Variants in TRIM27 observed in about 807,000 individuals in gnomAD.
The protein encoded by TRIM27 is zinc finger protein RFP.
In TRIM27, 12 loss-of-function variants were observed where a neutral mutation model predicts 57.6. The observed-to-expected ratio is 0.21, with a 90% CI of 0.13 to 0.34. TRIM27 has a LOEUF of 0.34. Ranked by LOEUF, TRIM27 falls within the 10% of genes least tolerant of loss-of-function variation. The pLI is 1.00. For missense variants in TRIM27, 403 were observed against 656.8 expected, an observed-to-expected ratio of 0.61 and a Z score of 4.22; for synonymous variants, 266 against 259.0, an observed-to-expected ratio of 1.03 and a Z score of -0.26.
rs1772509148 is a variant in TRIM27, at chr6:28,903,120, G to A, written c.*950C>T. ...TCTGCCCCAGCCTTCTGACTTCAGAGTGTCTCATGATCCAATGGCCATGGG... is the reference window on the plus strand; with the variant it reads ...TCTGCCCCAGCCTTCTGACTTCAGAATGTCTCATGATCCAATGGCCATGGG... On this transcript the variant is annotated 3_prime_UTR_variant, in exon 8 of 8. Coordinates refer to ENST00000377199, the MANE Select transcript of TRIM27 (RefSeq NM_006510.5). 1 of 231,608 alleles carries A rather than the reference G, an allele frequency of 4.3e-6. No homozygotes were observed. The highest frequency in any genetic ancestry group is 8.5e-6 in the Non-Finnish European group (1 of 117,060). The allele number at this position is 231,608 out of a possible 1,614,324, so 14.3% of individuals were successfully genotyped here.
At chr6:28,913,350 G>A (rs1490251677) in intron 3 of TRIM27, among the ~76,000 whole-genome samples, 1 of 150,262 alleles carries the variant, frequency 6.7e-6, no homozygotes, top group East Asian at 1.9e-4. Context: ...GTAAACTACA[G>A]TCACCCTACT....
Position 28,904,466 on chromosome 6 carries a change from C to G in TRIM27, c.1146G>C (p.Lys382Asn), listed in dbSNP as rs751535080. The change falls in exon 8 of 8, where the codon AAG becomes AAC. Residue 382 changes from lysine (K) to asparagine (N), a missense_variant. Transcript: ENST00000377199. This position sits in a 1 kb window ranked among gnomAD's most constrained non-coding sequence, Gnocchi z 6.1. ...YWEVEVGDKA[K>N]WTIGVCEDSV... ...AGTCTTCACAGACACCTATGGTCCA[C>G]TTGGCTTTATCTCCCACCTCTACCT... 6.2e-7 allele frequency: 1 copy of G among 1,612,960 alleles called. No homozygotes were observed. Among genetic ancestry groups the G allele is most frequent in the Non-Finnish European group, 8.5e-7 (1 of 1,180,052 alleles).
intron 7 of TRIM27, chr6:28,907,009 T>G: frequency 3.6e-5 from 19 of 529,180 alleles, no homozygotes; most frequent in East Asian, 1.6e-4. Context: ...CTTTAACACC[T>G]GAGATTGATT....
At position 28,904,107 on chromosome 6, in the gene TRIM27, A is replaced by T. The variant is rs1406206421; in HGVS notation, c.1505T>A (p.Val502Asp). 6.2e-7 allele frequency: 1 copy of T among 1,612,922 alleles called. No individual in the cohort carries two copies. The highest frequency in any genetic ancestry group is 1.3e-5 in the African/African-American group (1 of 74,924). The change falls in exon 8 of 8, where the codon GTT (valine) becomes GAT (aspartate). Residue 502 changes from valine (V) to aspartate (D), a missense_variant. Coordinates refer to ENST00000377199, the MANE Select transcript of TRIM27 (RefSeq NM_006510.5). The surrounding 1 kb of genome is among the most constrained non-coding windows in gnomAD (Gnocchi z 6.1). ...MSGIDGFSGH[V>D]GNHGHSMETS... ...CTCCATGGAATGACCATGATTCCCA[A>T]CATGGCCAGAAAACCCATCTATCCC...
Position 28,923,742 on chromosome 6 carries a change from G to C in TRIM27, c.-110C>G. 4 of 1,264,846 alleles carry C rather than the reference G, an allele frequency of 3.2e-6. No individual in the cohort carries two copies. The highest frequency in any genetic ancestry group is 4.2e-6 in the Non-Finnish European group (4 of 946,246). 78.4% of individuals were successfully genotyped at this position (1,264,846 alleles called of 1,614,324 possible). ...CGCTGTTCCTGAGAGGCACCGGGCG[G>C]ACGGAGGGCGGCGCCTCCCGGGCCC... is the stretch of plus-strand genomic sequence containing the variant. On this transcript the variant is annotated 5_prime_UTR_variant, in exon 1 of 8. Coordinates refer to ENST00000377199, the MANE Select transcript of TRIM27 (RefSeq NM_006510.5).
chr6:28,911,084 G>A (rs1773169928), intron 4 of TRIM27, among the ~76,000 whole-genome samples: 2 of 152,130 alleles, frequency 1.3e-5, no homozygotes, highest in Admixed American at 1.3e-4. Context: ...CCAAACATGA[G>A]CTTCCCAAGG....
chr6:28,918,744 T>C (rs1263758648), intron 3 of TRIM27, among the ~76,000 whole-genome samples: 8 of 151,792 alleles, frequency 5.3e-5, no homozygotes, highest in Non-Finnish European at 1.0e-4. Context: ...GCCATGGTGG[T>C]GTGCGCCTGT....
chr6:28,907,514 TA>T, intron 6 of TRIM27: 1 of 686,840 alleles, frequency 1.5e-6, no homozygotes, highest in Non-Finnish European at 2.7e-6. Flanking sequence ...GAATATGGGA[TA>T]AAACTGAGCC....
rs1468909102 is a variant in TRIM27 at position 28,923,285 on chromosome 6, C to G, written c.348G>C (p.Val116=). ...YCEEDQMPIC[V]VCDRSREHRG... is the part of the protein sequence containing the mutation. ...GGTGCTCGCGGGAGCGGTCGCACACCACGCAGATGGGCATCTGGTCCTCCT... is the reference window on the plus strand; with the variant it reads ...GGTGCTCGCGGGAGCGGTCGCACACGACGCAGATGGGCATCTGGTCCTCCT... Residue 116 remains valine (V), a synonymous_variant, in exon 1 of 8, where the codon GTG becomes GTC. Transcript: ENST00000377199. 2.5e-6 allele frequency: 4 copies of G among 1,611,576 alleles called. No homozygotes were observed. In the African/African-American group the frequency reaches 4.0e-5, roughly 16 times the overall value.
intron 3 of TRIM27, among the ~76,000 whole-genome samples, chr6:28,919,036 CAG>C (rs1395905274): frequency 2.0e-5 from 3 of 151,432 alleles, no homozygotes; most frequent in Admixed American, 6.6e-5. Flanking sequence ...TTTTTTGAGA[CAG>C]AGTCTCGCTC....
intron 1 of TRIM27, 87 bp from the exon 2 acceptor site, chr6:28,922,074 C>G (rs981412487): frequency 1.0e-6 from 1 of 980,418 alleles, no homozygotes. Flanking sequence ...GGAGTCCACA[C>G]ACCTGATGCC....
At chr6:28,916,571 G>C (rs1439517068) in intron 3 of TRIM27, among the ~76,000 whole-genome samples, 1 of 151,532 alleles carries the variant, frequency 6.6e-6, no homozygotes, top group African/African-American at 2.4e-5. Context: ...AAAAAAGTAT[G>C]CTAAGTGAAG....
chr6:28,917,920 T>C (rs1773735675), intron 3 of TRIM27, among the ~76,000 whole-genome samples: 1 of 151,604 alleles, frequency 6.6e-6, no homozygotes, highest in African/African-American at 2.4e-5. Flanking sequence ...ATCGTCTCAC[T>C]GGTTCAAGCG....
chr6:28,918,546 G>A (rs1562174627), intron 3 of TRIM27, among the ~76,000 whole-genome samples: 4 of 152,222 alleles, frequency 2.6e-5, no homozygotes, highest in African/African-American at 9.6e-5. Context: ...AAGAAAAAAA[G>A]AAAGAAAGAA....
chr6:28,915,327 G>C (rs933646482), intron 3 of TRIM27: 3 of 138,080 alleles, frequency 2.2e-5, no homozygotes, highest in African/African-American at 5.4e-5. Flanking sequence ...AGAAGCTTTA[G>C]ACCAGGCGCA....
chr6:28,918,930 C>T (rs997286726), intron 3 of TRIM27, among the ~76,000 whole-genome samples: 7 of 151,938 alleles, frequency 4.6e-5, no homozygotes, highest in African/African-American at 1.7e-4. Context: ...ATACTTATTG[C>T]CCAGGACATA....
chr6:28,906,606 G>A (rs1184254636), intron 7 of TRIM27: 1 of 152,254 alleles, frequency 6.6e-6, no homozygotes, highest in African/African-American at 2.4e-5. Context: ...ATGGATCAGA[G>A]CCACTGCACA....
intron 3 of TRIM27, among the ~76,000 whole-genome samples, chr6:28,918,314 AAT>A (rs1773766303): frequency 1.3e-5 from 2 of 152,264 alleles, no homozygotes; most frequent in South Asian, 4.1e-4. Flanking sequence ...TTGTACTTGA[AAT>A]AGTCATCTAC....
intron 3 of TRIM27, among the ~76,000 whole-genome samples, chr6:28,918,542 AAAAG>A (rs954903840): frequency 4.6e-5 from 7 of 152,296 alleles, no homozygotes; most frequent in South Asian, 2.1e-4. Flanking sequence ...AAAAAAGAAA[AAAAG>A]AAAGAAAGAA....
Sources: allele counts gnomAD v4.1 joint callset (sites outside exome capture counted in the v4.1 genomes callset), GRCh38; gene constraint gnomAD v4.1.1; non-coding constraint Gnocchi (gnomAD v3.1); transcripts MANE v1.5; gene names NCBI Gene and HGNC (gene_info 2026-07-23, HGNC 2026-07-21).